The following GPC6 variants were observed in gnomAD, a reference collection of about 807,000 sequenced individuals.
GPC6 encodes the protein glypican 6.
In GPC6, 14 loss-of-function variants were observed where a neutral mutation model predicts 55.2. That is an observed-to-expected ratio of 0.25 (90% CI 0.17 to 0.40). The LOEUF is 0.40. Ranked by LOEUF, GPC6 falls within the 10% of genes least tolerant of loss-of-function variation. The probability of loss-of-function intolerance (pLI) is 1.00; values close to 1 mark genes in which losing one functional copy is unlikely to be tolerated. For missense variants in GPC6, 641 were observed against 708.5 expected (o/e 0.90, Z 1.08); for synonymous variants, 278 against 259.6 (o/e 1.07, Z -0.68).
chr13:93,629,847 C>CT (rs1321099716), intron 2 of GPC6, among the ~76,000 whole-genome samples: 3 of 152,292 alleles, frequency 2.0e-5, no homozygotes, highest in African/African-American at 7.2e-5. Context: ...GCAACTTTAT[C>CT]TCTGCAATAT....
At chr13:94,205,120 T>C (rs944471447) in intron 4 of GPC6, among the ~76,000 whole-genome samples, 10 of 152,356 alleles carry the variant, frequency 6.6e-5, no homozygotes, top group Middle Eastern at 3.4e-3. Context: ...ATCTGTTGCC[T>C]GTAAAAATAT....
At position 93,911,478 on chromosome 13, in the gene GPC6, G is replaced by A. The variant is rs527416748; in HGVS notation, c.711+80933G>A. Among the ~76,000 whole-genome samples the A allele has an allele frequency of 3.3e-4, 50 of 152,050 alleles. 1 individual carries two copies. The South Asian group carries it at 4.6e-3, about 14-fold the overall frequency. On this transcript the variant is annotated intron_variant, in intron 3 of 8. Coordinates refer to ENST00000377047, the MANE Select transcript of GPC6 (RefSeq NM_005708.5). ...TTTCCTTGGTCAATCACAAGGATAT[G>A]TAGTCATAATTACAAGGATGTGAGG... is the stretch of plus-strand genomic sequence containing the variant.
intron 1 of GPC6, among the ~76,000 whole-genome samples, chr13:93,282,035 A>G (rs546329947): frequency 1.4e-4 from 22 of 152,332 alleles, no homozygotes; most frequent in Non-Finnish European, 3.1e-4. Flanking sequence ...GTGTACTGAT[A>G]AAGCCACCCT....
chr13:94,359,115 T>C (rs1228606604), intron 6 of GPC6, among the ~76,000 whole-genome samples: 1 of 152,154 alleles, frequency 6.6e-6, no homozygotes, highest in Non-Finnish European at 1.5e-5. Context: ...TTCAGTTATC[T>C]TTGGAAAAAA....
chr13:94,183,679 C>T (rs1005489397), intron 4 of GPC6, among the ~76,000 whole-genome samples: 1 of 152,124 alleles, frequency 6.6e-6, no homozygotes, highest in Non-Finnish European at 1.5e-5. Context: ...ACACTCCCAC[C>T]AGAAATCTAC....
intron 4 of GPC6, among the ~76,000 whole-genome samples, chr13:94,231,769 T>G (rs538265690): frequency 1.2e-4 from 19 of 152,184 alleles, no homozygotes; most frequent in African/African-American, 4.6e-4. Context: ...TCAGAGGAAA[T>G]AATAGACTTT....
chr13:93,750,752 A>G (rs145092011), intron 2 of GPC6, among the ~76,000 whole-genome samples: 87 of 152,338 alleles, frequency 5.7e-4, no homozygotes, highest in Middle Eastern at 3.4e-3. Context: ...TGTGAGGCGC[A>G]TGATTTTACC....
intron 3 of GPC6, among the ~76,000 whole-genome samples, chr13:93,925,252 G>A (rs887653900): frequency 6.6e-6 from 1 of 152,040 alleles, no homozygotes; most frequent in Non-Finnish European, 1.5e-5. Flanking sequence ...GAGGTCAGAG[G>A]TCTCCTTAAC....
At position 93,830,499 on chromosome 13, in the gene GPC6, T is replaced by C. The variant is rs1189292971; in HGVS notation, c.665T>C (p.Val222Ala). 1.2e-6 allele frequency: 2 copies of C among 1,613,362 alleles called. No individual in the cohort carries two copies. The highest frequency in any genetic ancestry group is 1.7e-5 in the Admixed American group (1 of 59,870). ...TRAFIAARTF[V>A]QGLTVGREVA... ...GCCTTCATTGCTGCCAGGACCTTTG[T>C]CCAGGGGCTGACTGTGGGCAGAGAA... is the stretch of plus-strand genomic sequence containing the variant. Residue 222 changes from valine to alanine, a missense_variant, in exon 3 of 9, where the codon GTC (valine) becomes GCC (alanine). Val to Ala is a moderately conservative substitution (Grantham distance 64, BLOSUM62 0). Coordinates refer to ENST00000377047, the MANE Select transcript of GPC6 (RefSeq NM_005708.5).
chr13:93,808,302 T>G (rs1886596962), intron 2 of GPC6, among the ~76,000 whole-genome samples: 1 of 152,210 alleles, frequency 6.6e-6, no homozygotes, highest in Non-Finnish European at 1.5e-5. Context: ...AGATGACACA[T>G]GTAAAGATCA....
At chr13:94,166,617 A>G (rs1174014812) in intron 4 of GPC6, among the ~76,000 whole-genome samples, 2 of 152,176 alleles carry the variant, frequency 1.3e-5, no homozygotes, top group Non-Finnish European at 1.5e-5. Context: ...CCCCTGCACC[A>G]TACATTATAG....
chr13:93,890,811 AT>A (rs905530318), intron 3 of GPC6, among the ~76,000 whole-genome samples: 3 of 148,746 alleles, frequency 2.0e-5, no homozygotes, highest in African/African-American at 7.5e-5. Flanking sequence ...TGCCTTCTAG[AT>A]TTTTTTCCAG....
At chr13:93,279,798 T>C (rs1159381202) in intron 1 of GPC6, among the ~76,000 whole-genome samples, 2 of 152,174 alleles carry the variant, frequency 1.3e-5, no homozygotes, top group Non-Finnish European at 2.9e-5. Flanking sequence ...TCTTTAGAGA[T>C]TGAAAATACA....
At chr13:93,620,935 T>C (rs1308260784) in intron 2 of GPC6, among the ~76,000 whole-genome samples, 1 of 152,176 alleles carries the variant, frequency 6.6e-6, no homozygotes, top group Non-Finnish European at 1.5e-5. Flanking sequence ...GGCTGCACTT[T>C]TTTGTGATAT....
intron 6 of GPC6, among the ~76,000 whole-genome samples, chr13:94,310,153 A>G (rs1382942626): frequency 1.3e-5 from 2 of 152,232 alleles, no homozygotes; most frequent in African/African-American, 2.4e-5. Context: ...TTAGAGCACA[A>G]CATGTTCTAC....
At chr13:93,423,891 C>T (rs944725481) in intron 1 of GPC6, among the ~76,000 whole-genome samples, 1 of 151,874 alleles carries the variant, frequency 6.6e-6, no homozygotes. Flanking sequence ...AGCAAAGCAC[C>T]TGCCAGTATT....
intron 3 of GPC6, among the ~76,000 whole-genome samples, chr13:93,916,229 T>C (rs1477679900): frequency 1.3e-5 from 2 of 152,146 alleles, no homozygotes; most frequent in Non-Finnish European, 2.9e-5. Context: ...ATCTCTGAAA[T>C]AAAACGTTAG....
chr13:93,720,721 C>G (rs1883425325), intron 2 of GPC6, among the ~76,000 whole-genome samples: 2 of 152,018 alleles, frequency 1.3e-5, no homozygotes, highest in South Asian at 2.1e-4. Flanking sequence ...AAATATCCCT[C>G]TAAACACTGC....
chr13:93,741,241 A>C (rs1884190569), intron 2 of GPC6, among the ~76,000 whole-genome samples: 1 of 147,970 alleles, frequency 6.8e-6, no homozygotes, highest in Non-Finnish European at 1.5e-5. Context: ...CAGCCTCCCG[A>C]GTAGCTGGGA....
Sources: gnomAD v4.1 joint callset for allele counts (sites outside exome capture counted in the v4.1 genomes callset) on GRCh38, gnomAD v4.1.1 for gene constraint, MANE v1.5 for transcripts, NCBI Gene and HGNC (gene_info 2026-07-23, HGNC 2026-07-21) for gene names.